The following DNAH8 variants were observed in gnomAD, a reference collection of about 807,000 sequenced individuals.
DNAH8 encodes axonemal beta dynein heavy chain 8.
DNAH8 carries 382 observed loss-of-function variants against 562.1 expected under a neutral mutation model. The ratio of observed to expected loss-of-function variants is 0.68; its 90% CI spans 0.63 to 0.74. The LOEUF (loss-of-function observed/expected upper bound fraction) is 0.74. DNAH8 is among the 30% of genes least tolerant of loss of function. The pLI, the probability that DNAH8 is intolerant of heterozygous loss-of-function variation, is 0.00. For synonymous variants in DNAH8, 1,881 were observed against 1,919.4 expected (o/e 0.98, Z 0.52); for missense variants, 5,203 against 5,620.4 (o/e 0.93, Z 2.37).
intron 85 of DNAH8, among the ~76,000 whole-genome samples, chr6:38,975,929 GT>G (rs1763642261): frequency 6.6e-6 from 1 of 152,210 alleles, no homozygotes; most frequent in Non-Finnish European, 1.5e-5. Flanking sequence ...GGCAACCTGT[GT>G]TTTTAGTGGC....
chr6:38,911,129 GT>G (rs1416803875), intron 65 of DNAH8, among the ~76,000 whole-genome samples: 22 of 152,314 alleles, frequency 1.4e-4, no homozygotes, highest in African/African-American at 5.3e-4. Context: ...GAACCTTAAA[GT>G]TTTGCACTGT....
intron 92 of DNAH8, among the ~76,000 whole-genome samples, chr6:39,028,807 T>C (rs933156128): frequency 2.0e-5 from 3 of 152,226 alleles, no homozygotes; most frequent in Non-Finnish European, 4.4e-5. Context: ...ATGGTAACCA[T>C]ATGTCCTGAT....
At chr6:38,806,787 A>T (rs1012891540) in intron 23 of DNAH8, among the ~76,000 whole-genome samples, 1 of 137,428 alleles carries the variant, frequency 7.3e-6, no homozygotes, top group Admixed American at 7.8e-5. Context: ...TCTCAAAAAA[A>T]AAATAATAAT....
At chr6:38,743,292 T>C (rs1023747281) in intron 8 of DNAH8, among the ~76,000 whole-genome samples, 2 of 152,214 alleles carry the variant, frequency 1.3e-5, no homozygotes, top group Non-Finnish European at 2.9e-5. Context: ...TGTAAGTCAC[T>C]GTGCCTTGCC....
rs70981595 is a variant in DNAH8 at position 38,867,231 on chromosome 6, A to ATGTGTGTGTGTGTG, written c.6693+369_6693+382dup. 1.5e-3 allele frequency among the ~76,000 whole-genome samples: 218 copies of ATGTGTGTGTGTGTG among 148,416 alleles called. 2 individuals are homozygous for ATGTGTGTGTGTGTG. Among genetic ancestry groups the ATGTGTGTGTGTGTG allele is most frequent in the African/African-American group, 4.8e-3 (194 of 40,164 alleles). On this transcript the variant is annotated intron_variant, in intron 47 of 92. Transcript: ENST00000327475. ...GTTATACATGCACTGGTGTGTGTATATGTGTGTGTGTGTGTGTGTGTGTGT... is the reference window on the plus strand; with the variant it reads ...GTTATACATGCACTGGTGTGTGTATATGTGTGTGTGTGTGTGTGTGTGTGTGTGTGTGTGTGTGT...
chr6:39,005,956 T>C (rs181778467), intron 88 of DNAH8, among the ~76,000 whole-genome samples: 1 of 152,386 alleles, frequency 6.6e-6, no homozygotes, highest in African/African-American at 2.4e-5. Context: ...CATTACTGGC[T>C]TTGCAAATAT....
chr6:38,757,278 T>C (rs1425801086), intron 10 of DNAH8, among the ~76,000 whole-genome samples: 2 of 152,214 alleles, frequency 1.3e-5, no homozygotes, highest in African/African-American at 4.8e-5. Flanking sequence ...CCAGTGATGA[T>C]GAGCATTTTT....
At position 38,931,937 on chromosome 6, in the gene DNAH8, A is replaced by G. The variant is rs772782911; in HGVS notation, c.11401A>G (p.Thr3801Ala). The change falls in exon 76 of 93, where the codon ACA becomes GCA. Residue 3801 changes from threonine (T) to alanine (A), a missense_variant. This residue lies in a region of DNAH8 where 1,399 missense variants were observed against 1,518.4 expected (regional missense o/e 0.92). Coordinates refer to ENST00000327475, the MANE Select transcript of DNAH8 (RefSeq NM_001206927.2). ...AACGTCAGTCATTGATTTCACTGTT[A>G]CAATGAAAGGACTTGAGAATCAGTT... ...AKTSVIDFTV[T>A]MKGLENQLLR... 1 of 1,610,794 alleles carries G rather than the reference A, an allele frequency of 6.2e-7. No individual in the cohort carries two copies. The highest frequency in any genetic ancestry group is 2.2e-5 in the East Asian group (1 of 44,662).
At chr6:39,007,952 C>G (rs939513644) in intron 88 of DNAH8, among the ~76,000 whole-genome samples, 8 of 90,576 alleles carry the variant, frequency 8.8e-5, no homozygotes, top group Admixed American at 2.4e-4. Context: ...CCCACCCACA[C>G]ACACACACAC....
intron 30 of DNAH8, among the ~76,000 whole-genome samples, chr6:38,831,551 C>T (rs1773838663): frequency 1.3e-5 from 2 of 151,796 alleles, no homozygotes; most frequent in African/African-American, 2.4e-5. Context: ...TTCTATACTA[C>T]AGTCACCATT....
At chr6:38,905,379 C>G (rs544245442) in intron 62 of DNAH8, among the ~76,000 whole-genome samples, 1 of 152,314 alleles carries the variant, frequency 6.6e-6, no homozygotes, top group East Asian at 1.9e-4. Context: ...AGACCAAGAT[C>G]TTTTCATTCC....
At position 38,909,712 on chromosome 6, in the gene DNAH8, G is replaced by A. The variant is rs753647378; in HGVS notation, c.9708G>A (p.Met3236Ile). The change falls in exon 65 of 93, where the codon ATG becomes ATA. Residue 3236 changes from methionine (M) to isoleucine (I), a missense_variant. By Grantham distance (10) the Met-to-Ile change is conservative (BLOSUM62 1). This residue lies in a region of DNAH8 where 977 missense variants were observed against 1,061.8 expected (regional missense o/e 0.92). Transcript: ENST00000327475. ...VVETMGLFHDMVSESCESYFQ... is the reference protein window; with the variant it reads ...VVETMGLFHDIVSESCESYFQ... Reference sequence around the variant, plus strand: ...AAACAATGGGCCTGTTTCATGACATGGTTTCAGAGAGCTGTGAAAGTTATT... The same window carrying A: ...AAACAATGGGCCTGTTTCATGACATAGTTTCAGAGAGCTGTGAAAGTTATT... 6.2e-7 allele frequency: 1 copy of A among 1,614,038 alleles called. No individual in the cohort carries two copies. Among genetic ancestry groups the A allele is most frequent in the Non-Finnish European group, 8.5e-7 (1 of 1,179,960 alleles).
chr6:38,849,571 GC>G (rs1465943315), intron 37 of DNAH8, among the ~76,000 whole-genome samples: 1,514 of 135,118 alleles, frequency 0.011, 23 homozygotes, highest in African/African-American at 0.041. Flanking sequence ...TTTTTTTTTT[GC>G]TTTTTTTTTT....
intron 32 of DNAH8, among the ~76,000 whole-genome samples, chr6:38,836,288 G>T (rs949950765): frequency 6.6e-6 from 1 of 151,816 alleles, no homozygotes; most frequent in Non-Finnish European, 1.5e-5. Context: ...CCAGGGGTGT[G>T]GTTGCTAATG....
At chr6:38,757,230 G>A (rs1429367323) in intron 10 of DNAH8, among the ~76,000 whole-genome samples, 3 of 151,554 alleles carry the variant, frequency 2.0e-5, no homozygotes. Context: ...GTGTGAGATG[G>A]TATCTCATTG....
At chr6:39,016,671 A>C (rs563480440) in intron 91 of DNAH8, among the ~76,000 whole-genome samples, 3 of 152,326 alleles carry the variant, frequency 2.0e-5, no homozygotes, top group Non-Finnish European at 4.4e-5. Flanking sequence ...GACCATAAGG[A>C]AGACTATAGA....
intron 3 of DNAH8, among the ~76,000 whole-genome samples, chr6:38,727,579 G>A (rs774582811): frequency 2.6e-5 from 4 of 152,202 alleles, no homozygotes; most frequent in African/African-American, 7.2e-5. Flanking sequence ...ACGGTTCTCC[G>A]TTGTTGCTAG....
At position 38,973,760 on chromosome 6, in the gene DNAH8, C is replaced by A. The variant is rs758584780; in HGVS notation, c.12625C>A (p.Arg4209=). ...ITTEASDDSF[R]VWITTEPHDR... is the part of the protein sequence containing the mutation. ...CACTGAAGCCAGTGATGATTCTTTC[C>A]GAGTATGGATAACTACGGAGCCCCA... The change falls in exon 84 of 93, where the codon CGA becomes AGA. Residue 4209 remains arginine (R), a synonymous_variant. Coordinates refer to ENST00000327475, the MANE Select transcript of DNAH8 (RefSeq NM_001206927.2). The A allele has an allele frequency of 4.3e-6, 7 of 1,610,770 alleles. No individual in the cohort carries two copies. The highest frequency in any genetic ancestry group is 5.9e-6 in the Non-Finnish European group (7 of 1,178,686).
At chr6:38,811,420 A>T (rs1771785489) in intron 24 of DNAH8, among the ~76,000 whole-genome samples, 1 of 152,204 alleles carries the variant, frequency 6.6e-6, no homozygotes, top group African/African-American at 2.4e-5. Flanking sequence ...TGACTCTGTC[A>T]TCTATGTTAT....
Sources: allele counts gnomAD v4.1 joint callset (sites outside exome capture counted in the v4.1 genomes callset), GRCh38; gene constraint gnomAD v4.1.1; regional missense constraint gnomAD v4.1.1; transcripts MANE v1.5; gene names NCBI Gene and HGNC (gene_info 2026-07-23, HGNC 2026-07-21).